The following PCDHGA7 variants were observed in gnomAD, a reference collection of about 807,000 sequenced individuals.
PCDHGA7 encodes the protein protocadherin gamma-A7.
A neutral mutation model predicts 58.3 loss-of-function variants in PCDHGA7; 44 were observed. The observed-to-expected ratio is 0.75, with a 90% CI of 0.59 to 0.97. The LOEUF is 0.97. Ranked by LOEUF, PCDHGA7 falls within the 50% of genes least tolerant of loss-of-function variation. The pLI is 0.00. For synonymous variants in PCDHGA7, 516 were observed against 504.2 expected, an observed-to-expected ratio of 1.02 and a Z score of -0.31; for missense variants, 1,266 against 1,188.7, an observed-to-expected ratio of 1.06 and a Z score of -0.96.
At chr5:141,438,649 CACATATATGTAT>C (rs1346265042) in intron 1 of PCDHGA7, among the ~76,000 whole-genome samples, 20 of 100,970 alleles carry the variant, frequency 2.0e-4, no homozygotes, top group Admixed American at 2.1e-4. Flanking sequence ...CACACACACA[CACATATATGTAT>C]ATATATATTT....
At chr5:141,429,845 T>C (rs888160645) in intron 1 of PCDHGA7, among the ~76,000 whole-genome samples, 4 of 152,222 alleles carry the variant, frequency 2.6e-5, no homozygotes, top group Non-Finnish European at 1.5e-5. Context: ...GGTAAGTCTG[T>C]AACATTCTTT....
intron 1 of PCDHGA7, among the ~76,000 whole-genome samples, chr5:141,447,652 C>T (rs901761789): frequency 6.6e-6 from 1 of 151,972 alleles, no homozygotes; most frequent in African/African-American, 2.4e-5. Context: ...TAGAATTTTC[C>T]CCCCCAGGAA....
At chr5:141,451,091 G>A (rs2098706622) in intron 1 of PCDHGA7, among the ~76,000 whole-genome samples, 1 of 151,962 alleles carries the variant, frequency 6.6e-6, no homozygotes, top group South Asian at 2.1e-4. Context: ...ACCTCCCAAA[G>A]TGTTGGGATT....
In PCDHGA7 at chr5:141,384,787, C is replaced by A; in HGVS notation, c.1888C>A (p.Arg630=). 2 of 1,613,552 alleles carry A rather than the reference C, an allele frequency of 1.2e-6. No homozygotes were observed. Among genetic ancestry groups the A allele is most frequent in the Admixed American group, 3.3e-5 (2 of 60,032 alleles). ...GTACACGGGCGAGGTGCGCACGGCT[C>A]GGGCCCTGCTGGACAGAGATGCCCT... The part of the protein sequence containing the change: ...GLYTGEVRTA[R]ALLDRDALKQ... The change falls in exon 1 of 4, where the codon CGG becomes AGG. Residue 630 remains arginine, a synonymous_variant. Transcript: ENST00000518325.
At chr5:141,457,116 C>T (rs933634563) in intron 1 of PCDHGA7, among the ~76,000 whole-genome samples, 5 of 152,176 alleles carry the variant, frequency 3.3e-5, no homozygotes, top group Non-Finnish European at 7.3e-5. Flanking sequence ...AATACGACAG[C>T]AATGGAAACT....
Position 141,489,434 on chromosome 5 carries a change from A to G in PCDHGA7, c.2425-5373A>G. On this transcript the variant is annotated intron_variant, in intron 1 of 3. Transcript: ENST00000518325. This position sits in a 1 kb window ranked among gnomAD's most constrained non-coding sequence, Gnocchi z 4.5. ...ACAGATCTGTTGAGCCGGCGGCTGC[A>G]ATTGGGCTCTGAGGAGAATGGGCGC... 6.2e-7 allele frequency: 1 copy of G among 1,614,138 alleles called. No individual in the cohort carries two copies. The highest frequency in any genetic ancestry group is 8.5e-7 in the Non-Finnish European group (1 of 1,180,044).
At chr5:141,400,652 T>A in intron 1 of PCDHGA7, 1 of 1,143,230 alleles carries the variant, frequency 8.7e-7, no homozygotes, top group Non-Finnish European at 1.3e-6. Flanking sequence ...AAAGCTGTCC[T>A]ACCATTCTTT....
chr5:141,489,211 A>G lies in PCDHGA7; in HGVS notation c.2425-5596A>G, dbSNP rs1206929838. On this transcript the variant is annotated intron_variant, in intron 1 of 3. Coordinates refer to ENST00000518325, the MANE Select transcript of PCDHGA7 (RefSeq NM_018920.4). This position sits in a 1 kb window ranked among gnomAD's most constrained non-coding sequence, Gnocchi z 4.5. The stretch of plus-strand genomic sequence containing the variant: ...CTACCTTGGAGACAGGACAGCACAG[A>G]CTTACTCTCCACAAAGGGACTTCTG... 2 of 1,462,498 alleles carry G rather than the reference A, an allele frequency of 1.4e-6. No individual in the cohort carries two copies. Among genetic ancestry groups the G allele is most frequent in the Non-Finnish European group, 1.8e-6 (2 of 1,081,560 alleles). The allele number at this position is 1,462,498 out of a possible 1,614,324, so 90.6% of individuals were successfully genotyped here. A position where few individuals can be genotyped will look rare whatever the true frequency, so the allele number is the denominator to read the frequency against.
intron 1 of PCDHGA7, among the ~76,000 whole-genome samples, chr5:141,474,412 C>A (rs1282336092): frequency 6.6e-6 from 1 of 152,220 alleles, no homozygotes; most frequent in Non-Finnish European, 1.5e-5. Flanking sequence ...CCGGTGATGC[C>A]TAGACCATTG....
Position 141,389,722 on chromosome 5 carries a change from G to C in PCDHGA7, c.2424+4399G>C, listed in dbSNP as rs141134077. 15,348 of 1,612,674 alleles carry C rather than the reference G, an allele frequency of 9.5e-3. 102 individuals are homozygous for C. The highest frequency in any genetic ancestry group is 0.028 in the Middle Eastern group (161 of 5,786). On this transcript the variant is annotated intron_variant, in intron 1 of 3. Coordinates refer to ENST00000518325, the MANE Select transcript of PCDHGA7 (RefSeq NM_018920.4). ...CACGTGCTGCAGGCTAGCGAGCCCG[G>C]GCTCTTCAGCCTGGGGCTGCGCACG...
intron 1 of PCDHGA7, chr5:141,389,583 C>T: frequency 1.2e-6 from 2 of 1,613,188 alleles, no homozygotes; most frequent in Non-Finnish European, 1.7e-6. Flanking sequence ...CGCGCTGGGT[C>T]CCGACGGCTC....
chr5:141,393,902 G>A, intron 1 of PCDHGA7: 2 of 1,613,968 alleles, frequency 1.2e-6, no homozygotes, highest in Non-Finnish European at 8.5e-7. Context: ...CTCTTCCCGG[G>A]ACAGTAATTG....
rs776120937 is a variant in PCDHGA7 at position 141,388,588 on chromosome 5, C to A, written c.2424+3265C>A. On this transcript the variant is annotated intron_variant, in intron 1 of 3. Transcript: ENST00000518325. ...CAGATACACGTTCTAGTGACTGATG[C>A]CAATGATAATGCTCCAGTGTTCAGT... The A allele has an allele frequency of 1.9e-6, 3 of 1,613,876 alleles. No individual in the cohort carries two copies. The South Asian group carries it at 3.3e-5, about 18-fold the overall frequency.
rs770678698 is a variant in PCDHGA7 at position 141,384,022 on chromosome 5, G to A, written c.1123G>A (p.Asp375Asn). Residue 375 changes from aspartate (D) to asparagine (N), a missense_variant, in exon 1 of 4, where the codon GAT becomes AAT. Transcript: ENST00000518325. ...VIALFYLQDRDSGKNGEVTCT... is the reference protein window; with the variant it reads ...VIALFYLQDRNSGKNGEVTCT... ...TGCTCTTTTCTACCTACAAGACAGA[G>A]ATTCTGGAAAGAATGGTGAGGTGAC... 3 of 1,613,562 alleles carry A rather than the reference G, an allele frequency of 1.9e-6. No individual in the cohort carries two copies. The highest frequency in any genetic ancestry group is 2.5e-6 in the Non-Finnish European group (3 of 1,179,762).
chr5:141,399,056 A>G (rs945298198), intron 1 of PCDHGA7: 24 of 1,613,834 alleles, frequency 1.5e-5, no homozygotes, highest in African/African-American at 1.2e-4. Flanking sequence ...GAGACCAAGG[A>G]ATATTCAATG....
intron 1 of PCDHGA7, chr5:141,390,623 T>C (rs2092193421): frequency 3.8e-6 from 1 of 264,274 alleles, no homozygotes; most frequent in African/African-American, 2.3e-5. Flanking sequence ...TGTTGACTAA[T>C]ATATGATGAA....
chr5:141,510,141 T>C (rs1596266322), intron 3 of PCDHGA7, among the ~76,000 whole-genome samples: 1 of 152,014 alleles, frequency 6.6e-6, no homozygotes. Flanking sequence ...GGGCTAGTGG[T>C]GTGCACCTGT....
chr5:141,419,192 G>A (rs772847766), intron 1 of PCDHGA7: 65 of 1,613,816 alleles, frequency 4.0e-5, no homozygotes, highest in Middle Eastern at 1.6e-4. Context: ...CATTACTGAC[G>A]TCAATGACAA....
intron 1 of PCDHGA7, among the ~76,000 whole-genome samples, chr5:141,401,772 G>T (rs756327304): frequency 6.6e-6 from 1 of 152,126 alleles, no homozygotes; most frequent in Non-Finnish European, 1.5e-5. Context: ...TAAGTCTTTT[G>T]CTTGGTTTCC....
Sources: gnomAD v4.1 joint callset for allele counts (sites outside exome capture counted in the v4.1 genomes callset) on GRCh38, gnomAD v4.1.1 for gene constraint, Gnocchi (gnomAD v3.1) non-coding constraint, MANE v1.5 for transcripts, NCBI Gene and HGNC (gene_info 2026-07-23, HGNC 2026-07-21) for gene names.